The following ESR2 variants were observed in gnomAD, a reference collection of about 807,000 sequenced individuals.
ESR2 encodes estrogen receptor 2, also known as estrogen receptor beta.
In ESR2, 36 loss-of-function variants were observed where a neutral mutation model predicts 49.6. That is an observed-to-expected ratio of 0.73 (90% CI 0.56 to 0.96). ESR2 has a LOEUF of 0.96. ESR2 is among the 40% of genes least tolerant of loss of function. The probability of loss-of-function intolerance (pLI) is 0.00; values close to 1 mark genes in which losing one functional copy is unlikely to be tolerated. For synonymous variants in ESR2, 320 were observed against 266.1 expected, an observed-to-expected ratio of 1.20 and a Z score of -1.97; for missense variants, 714 against 693.0, an observed-to-expected ratio of 1.03 and a Z score of -0.34.
At chr14:64,336,957 A>C (rs1459208302) in intron 1 of ESR2, among the ~76,000 whole-genome samples, 1 of 152,220 alleles carries the variant, frequency 6.6e-6, no homozygotes, top group African/African-American at 2.4e-5. Flanking sequence ...TACCTATTAA[A>C]AAAATAGATG....
intron 2 of ESR2, among the ~76,000 whole-genome samples, chr14:64,280,356 C>A (rs992249266): frequency 1.3e-5 from 2 of 152,148 alleles, no homozygotes; most frequent in Non-Finnish European, 2.9e-5. Context: ...TGGGGAATGA[C>A]TAATGTTTGA....
downstream of ESR2, chr14:64,227,330 G>A (rs561209885): frequency 9.9e-4 from 613 of 618,498 alleles, no homozygotes; most frequent in African/African-American, 5.5e-3. Context: ...AAGAGAATCC[G>A]TCTTCACTTT....
chr14:64,240,389 C>T lies in ESR2; in HGVS notation c.1226-5239G>A, dbSNP rs190832962. On this transcript the variant is annotated intron_variant, in intron 7 of 8. Transcript: ENST00000341099. ...AGCCTTTTGACTTAAGAGACCTACC[C>T]CCATTTCTCCTCTCCTGACCCTTAT... 2.6e-4 allele frequency among the ~76,000 whole-genome samples: 39 copies of T among 152,334 alleles called. No individual in the cohort carries two copies. The South Asian group carries it at 5.0e-3, about 19-fold the overall frequency.
chr14:64,227,750 T>C (rs1198792055), downstream of ESR2: 2 of 1,546,146 alleles, frequency 1.3e-6, no homozygotes, highest in East Asian at 4.5e-5. Flanking sequence ...GCTCCCCATC[T>C]CCAGGGAGGC....
At chr14:64,289,109 C>A (rs2076829206) in intron 1 of ESR2, among the ~76,000 whole-genome samples, 1 of 151,952 alleles carries the variant, frequency 6.6e-6, no homozygotes, top group African/African-American at 2.4e-5. Context: ...CAATCTTAGA[C>A]AAATCCACAA....
chr14:64,253,113 C>T (rs745842067), intron 6 of ESR2, among the ~76,000 whole-genome samples: 4 of 152,158 alleles, frequency 2.6e-5, no homozygotes, highest in Non-Finnish European at 4.4e-5. Context: ...ACCTCAGCCT[C>T]CCAAAGTGCT....
In ESR2 at chr14:64,261,011, G is replaced by A. The variant is rs2076210910; in HGVS notation, c.653-263C>T. Among the ~76,000 whole-genome samples, 3 of 152,078 alleles carry A rather than the reference G, an allele frequency of 2.0e-5. No individual in the cohort carries two copies. In the South Asian group the frequency reaches 6.2e-4, roughly 32 times the overall value. ...ACCATGAAATTAGGAATTTTCTTCA[G>A]GTAGAAAAATGGGGATATTTCCAAA... On this transcript the variant is annotated intron_variant, in intron 4 of 8. Transcript: ENST00000341099.
At chr14:64,293,342 G>C (rs1032720950) in intron 1 of ESR2, among the ~76,000 whole-genome samples, 2 of 152,146 alleles carry the variant, frequency 1.3e-5, no homozygotes, top group Non-Finnish European at 2.9e-5. Context: ...ATAAGGCAAA[G>C]TCTGTCCTCC....
At chr14:64,241,954 A>C (rs2075737120) in intron 7 of ESR2, among the ~76,000 whole-genome samples, 1 of 152,230 alleles carries the variant, frequency 6.6e-6, no homozygotes, top group Non-Finnish European at 1.5e-5. Flanking sequence ...AGGACAGTGG[A>C]CATACTTGCC....
At chr14:64,281,374 G>A (rs995171244) in intron 2 of ESR2, among the ~76,000 whole-genome samples, 2 of 151,810 alleles carry the variant, frequency 1.3e-5, no homozygotes, top group African/African-American at 4.8e-5. Flanking sequence ...GGATTAATTT[G>A]CCCAAAAATT....
In ESR2 at chr14:64,233,070, C is replaced by T; in HGVS notation, c.*67G>A. ...ACAGCAGAAAGATGAAGCCCAGGCTCCTGACACACTGGAGTTCACGCTTCA... is the reference window on the plus strand; with the variant it reads ...ACAGCAGAAAGATGAAGCCCAGGCTTCTGACACACTGGAGTTCACGCTTCA... On this transcript the variant is annotated 3_prime_UTR_variant, in exon 9 of 9. Coordinates refer to ENST00000341099, the MANE Select transcript of ESR2 (RefSeq NM_001437.3). The T allele has an allele frequency of 1.3e-6, 2 of 1,562,418 alleles. No homozygotes were observed. Among genetic ancestry groups the T allele is most frequent in the Non-Finnish European group, 1.7e-6 (2 of 1,150,256 alleles).
At chr14:64,296,841 T>C (rs1479105753), upstream of ESR2, among the ~76,000 whole-genome samples, 3 of 152,010 alleles carry the variant, frequency 2.0e-5, no homozygotes, top group Admixed American at 6.6e-5. Flanking sequence ...TGAATGGGAG[T>C]GAGTAAGTTT....
chr14:64,268,903 CATT>C lies in ESR2; in HGVS notation c.541_543del (p.Asn181del), dbSNP rs750091675. The C allele has an allele frequency of 5.1e-4, 819 of 1,590,684 alleles. 1 individual carries two copies. The highest frequency in any genetic ancestry group is 1.4e-3 in the South Asian group (123 of 90,536). On this transcript the variant is annotated inframe_deletion, in exon 4 of 9. Coordinates refer to ENST00000341099, the MANE Select transcript of ESR2 (RefSeq NM_001437.3). ...TGATTTGTAGCTGGACAAATATAATCATTATGTCCTATAGCAGAGTGGGAGGGA... is the reference window on the plus strand; with the variant it reads ...TGATTTGTAGCTGGACAAATATAATCATGTCCTATAGCAGAGTGGGAGGGA...
intron 4 of ESR2, among the ~76,000 whole-genome samples, chr14:64,267,123 C>T (rs1424468794): frequency 6.6e-6 from 1 of 152,234 alleles, no homozygotes; most frequent in Non-Finnish European, 1.5e-5. Flanking sequence ...TCATGATTTG[C>T]ATGCCTTGGC....
At chr14:64,265,431 C>T (rs1041123416) in intron 4 of ESR2, among the ~76,000 whole-genome samples, 1 of 152,180 alleles carries the variant, frequency 6.6e-6, no homozygotes, top group Admixed American at 6.5e-5. Flanking sequence ...GCTCAAATAA[C>T]TTGTCTAAGA....
chr14:64,319,381 A>G (rs73269919), intron 1 of ESR2, among the ~76,000 whole-genome samples: 292 of 152,226 alleles, frequency 1.9e-3, no homozygotes, highest in African/African-American at 6.8e-3. Flanking sequence ...GATTTTTTGG[A>G]TACAATAGAA....
At chr14:64,324,761 G>C (rs1273951391) in intron 1 of ESR2, among the ~76,000 whole-genome samples, 1 of 152,112 alleles carries the variant, frequency 6.6e-6, no homozygotes, top group East Asian at 1.9e-4. Flanking sequence ...TGACATTGTG[G>C]GGACAATAAA....
intron 6 of ESR2, among the ~76,000 whole-genome samples, chr14:64,255,221 C>A (rs778718081): frequency 1.3e-5 from 2 of 151,996 alleles, no homozygotes; most frequent in African/African-American, 4.8e-5. Flanking sequence ...CTAAAGTCTG[C>A]AAATTATTTG....
At chr14:64,236,560 T>TC (rs1202108045) in intron 7 of ESR2, among the ~76,000 whole-genome samples, 1 of 152,016 alleles carries the variant, frequency 6.6e-6, no homozygotes, top group Non-Finnish European at 1.5e-5. Context: ...ACCAGGGCCC[T>TC]CCCCGCTTCT....
Sources: gnomAD v4.1 joint callset for allele counts (sites outside exome capture counted in the v4.1 genomes callset) on GRCh38, gnomAD v4.1.1 for gene constraint, MANE v1.5 for transcripts, NCBI Gene and HGNC (gene_info 2026-07-23, HGNC 2026-07-21) for gene names.